Variants in CSAD observed in about 807,000 individuals in gnomAD.
CSAD encodes the protein P-selectin cytoplasmic tail-associated protein.
A neutral mutation model predicts 61.5 loss-of-function variants in CSAD; 47 were observed. The observed-to-expected ratio is 0.76, with a 90% CI of 0.60 to 0.97. The LOEUF (loss-of-function observed/expected upper bound fraction) is 0.97. CSAD is among the 50% of genes least tolerant of loss of function. CSAD has a pLI of 0.00. For synonymous variants in CSAD, 245 were observed against 252.7 expected, an observed-to-expected ratio of 0.97 and a Z score of 0.29; for missense variants, 611 against 643.6, an observed-to-expected ratio of 0.95 and a Z score of 0.55.
chr12:53,178,426 A>G, intron 2 of CSAD: 2 of 455,290 alleles, frequency 4.4e-6, no homozygotes, highest in Non-Finnish European at 8.8e-6. Flanking sequence ...CAGGAGGTTG[A>G]GGCTGCAGTG....
chr12:53,158,722 G>C, intron 16 of CSAD, 38 bp from the exon 17 acceptor site: 1 of 1,597,998 alleles, frequency 6.3e-7, no homozygotes, highest in Non-Finnish European at 8.5e-7. Context: ...CTGCAGCCTG[G>C]GTCGGCTGAC....
intron 3 of CSAD, 96 bp from the exon 4 acceptor site, chr12:53,173,572 A>C: frequency 6.2e-7 from 1 of 1,600,270 alleles, no homozygotes; most frequent in Non-Finnish European, 8.5e-7. Context: ...TGAGGCCCAA[A>C]CCCTGCAGCT....
chr12:53,176,577 G>A (rs769797321), intron 2 of CSAD, among the ~76,000 whole-genome samples: 8 of 151,804 alleles, frequency 5.3e-5, no homozygotes, highest in East Asian at 1.9e-4. Context: ...AAATTAGCCC[G>A]GCATGGTGGT....
At chr12:53,172,830 T>C (rs1940745281) in intron 4 of CSAD, among the ~76,000 whole-genome samples, 182 bp from the exon 5 acceptor site, 1 of 152,130 alleles carries the variant, frequency 6.6e-6, no homozygotes. Context: ...TGTAAATCCC[T>C]GAGGTACCCA....
chr12:53,175,090 C>T (rs1322945170), intron 2 of CSAD, among the ~76,000 whole-genome samples: 1 of 152,178 alleles, frequency 6.6e-6, no homozygotes, highest in East Asian at 1.9e-4. Flanking sequence ...TGCATCTGCC[C>T]TGTGGGCTCC....
intron 10 of CSAD, among the ~76,000 whole-genome samples, chr12:53,168,383 T>G (rs543597161): frequency 1.3e-5 from 2 of 152,210 alleles, no homozygotes; most frequent in Non-Finnish European, 2.9e-5. Flanking sequence ...TTATATGTTA[T>G]GTGAATTATA....
Position 53,173,343 on chromosome 12 carries a change from A to G in CSAD, c.126+2T>C. On this transcript the variant is annotated splice_donor_variant, in intron 4 of 16. Coordinates refer to ENST00000444623, the MANE Select transcript of CSAD (RefSeq NM_001244705.2). LOFTEE classifies it high-confidence loss of function. Reference sequence around the variant, plus strand: ...GGGAAGGAGGAGGAAGAAAGGACTCACCTTCTGGGAGACACTGGTTCCTTT... The same window carrying G: ...GGGAAGGAGGAGGAAGAAAGGACTCGCCTTCTGGGAGACACTGGTTCCTTT... 1 of 1,613,648 alleles carries G rather than the reference A, an allele frequency of 6.2e-7. No individual in the cohort carries two copies. The highest frequency in any genetic ancestry group is 2.2e-5 in the East Asian group (1 of 44,898).
intron 1 of CSAD, 143 bp downstream of exon 1, chr12:53,180,589 C>T (rs1253315214): frequency 4.7e-6 from 6 of 1,285,358 alleles, no homozygotes; most frequent in Non-Finnish European, 6.1e-6. Flanking sequence ...CTCCGTGCGT[C>T]CCCAAGCTCA....
intron 1 of CSAD, 87 bp downstream of exon 1, chr12:53,180,645 G>A (rs1425739067): frequency 1.6e-6 from 2 of 1,284,022 alleles, no homozygotes; most frequent in African/African-American, 1.5e-5. Context: ...GAGCCCGGAA[G>A]TGGATGCAGC....
chr12:53,165,332 C>T (rs1355712613), intron 10 of CSAD, among the ~76,000 whole-genome samples: 1 of 148,896 alleles, frequency 6.7e-6, no homozygotes, highest in East Asian at 2.0e-4. Flanking sequence ...CAGAGCAAGA[C>T]CCTCTCTCAA....
Position 53,180,802 on chromosome 12 carries a change from G to A in CSAD, c.-161C>T. 2 of 1,272,386 alleles carry A rather than the reference G, an allele frequency of 1.6e-6. No individual in the cohort carries two copies. Among genetic ancestry groups the A allele is most frequent in the Non-Finnish European group, 1.0e-6 (1 of 982,238 alleles). 78.8% of individuals were successfully genotyped at this position (1,272,386 alleles called of 1,614,324 possible). A position where few individuals can be genotyped will look rare whatever the true frequency, so the allele number is the denominator to read the frequency against. ...TGCTGGGGCCTGGAGGAGGCGCCGC[G>A]CGGCCAGGGAGCCAGCGGGAGGCCG... On this transcript the variant is annotated 5_prime_UTR_variant, in exon 1 of 17. Transcript: ENST00000444623.
chr12:53,159,943 GA>G lies in CSAD; in HGVS notation c.1167-6del. ...TTCATTTCCTCCACCAGGTACCTGT[GA>G]ACAGAGAGTGAGAAACCATAGGCGG... On this transcript the variant is annotated splice_region_variant and splice_polypyrimidine_tract_variant and intron_variant, in intron 14 of 16. Coordinates refer to ENST00000444623, the MANE Select transcript of CSAD (RefSeq NM_001244705.2). 3.1e-6 allele frequency: 5 copies of G among 1,606,208 alleles called. No homozygotes were observed. Among genetic ancestry groups the G allele is most frequent in the Non-Finnish European group, 4.3e-6 (5 of 1,175,746 alleles).
At chr12:53,180,994 C>G, upstream of CSAD, 1 of 822,838 alleles carries the variant, frequency 1.2e-6, no homozygotes, top group South Asian at 2.5e-5. Flanking sequence ...GGGGAAAGGC[C>G]GTGCGCGCAC....
In CSAD at chr12:53,180,920, G is replaced by A; in HGVS notation, c.-279C>T. On this transcript the variant is annotated 5_prime_UTR_variant, in exon 1 of 17. Transcript: ENST00000444623. Reference sequence around the variant, plus strand: ...GCTCGCAAGCCGTGGGGTGCCGCGCGGGAAGGGGGAGGGGAGGGGAGGAGG... The same window carrying A: ...GCTCGCAAGCCGTGGGGTGCCGCGCAGGAAGGGGGAGGGGAGGGGAGGAGG... 7.3e-6 allele frequency: 8 copies of A among 1,094,964 alleles called. No homozygotes were observed. The highest frequency in any genetic ancestry group is 9.0e-6 in the Non-Finnish European group (8 of 885,626). 67.8% of individuals were successfully genotyped at this position (1,094,964 alleles called of 1,614,324 possible).
rs1424569627 is a variant in CSAD at position 53,158,692 on chromosome 12, A to G, written c.1309-8T>C. On this transcript the variant is annotated splice_polypyrimidine_tract_variant and splice_region_variant and intron_variant, in intron 16 of 16. Coordinates refer to ENST00000444623, the MANE Select transcript of CSAD (RefSeq NM_001244705.2). ...CTTGAGCACGGGGGCCACCTGTGGA[A>G]GGGTGGAGAGAGATTCCAGCTGCAG... is the stretch of plus-strand genomic sequence containing the variant. 2 of 1,611,832 alleles carry G rather than the reference A, an allele frequency of 1.2e-6. No individual in the cohort carries two copies. The highest frequency in any genetic ancestry group is 2.7e-5 in the African/African-American group (2 of 74,860).
In CSAD at chr12:53,158,297, G is replaced by C; in HGVS notation, c.*214C>G. The C allele has an allele frequency of 2.6e-6, 1 of 391,260 alleles. No individual in the cohort carries two copies. Among genetic ancestry groups the C allele is most frequent in the Non-Finnish European group, 4.7e-6 (1 of 214,228 alleles). The allele number at this position is 391,260 out of a possible 1,614,324, so 24.2% of individuals were successfully genotyped here. A position where few individuals can be genotyped will look rare whatever the true frequency, so the allele number is the denominator to read the frequency against. On this transcript the variant is annotated 3_prime_UTR_variant, in exon 17 of 17. Transcript: ENST00000444623. ...TTTACAGGCACAGGCCACCATGCTC[G>C]GCTAATTTTTGTATTTTTAGTAGAG...
intron 10 of CSAD, 30 bp from the exon 11 acceptor site, chr12:53,161,419 G>GT: frequency 6.4e-7 from 1 of 1,572,272 alleles, no homozygotes; most frequent in Non-Finnish European, 8.7e-7. Flanking sequence ...GGAGAAAGAT[G>GT]TAAAGTCATC....
intron 16 of CSAD, among the ~76,000 whole-genome samples, 153 bp from the exon 17 acceptor site, chr12:53,158,837 T>G (rs1938886200): frequency 6.6e-6 from 1 of 152,218 alleles, no homozygotes; most frequent in South Asian, 2.1e-4. Flanking sequence ...GACCTTGGCC[T>G]CAGTTTACCT....
chr12:53,171,905 G>C lies in CSAD; in HGVS notation c.428C>G (p.Ser143Cys). The C allele has an allele frequency of 1.2e-6, 2 of 1,613,738 alleles. No individual in the cohort carries two copies. Among genetic ancestry groups the C allele is most frequent in the Non-Finnish European group, 1.7e-6 (2 of 1,179,702 alleles). Residue 143 changes from serine (S) to cysteine (C), a missense_variant, in exon 7 of 17, where the codon TCT becomes TGT. Transcript: ENST00000444623. ...ACCAGGGCAGAAGATTCCGTCCCCA[G>C]AGCTCCAGCCCACCAGGGCCCGCAG... ...RKLRALVGWS[S>C]GDGIFCPGGS...
Sources: allele counts gnomAD v4.1 joint callset (sites outside exome capture counted in the v4.1 genomes callset), GRCh38; gene constraint gnomAD v4.1.1; transcripts MANE v1.5; gene names NCBI Gene and HGNC (gene_info 2026-07-23, HGNC 2026-07-21).